WNT4: variants seen among roughly 807,000 people sequenced by gnomAD.
WNT4 encodes the protein protein Wnt-4.
In WNT4, 16 loss-of-function variants were observed where a neutral mutation model predicts 34.5. The ratio of observed to expected loss-of-function variants is 0.46; its 90% CI spans 0.31 to 0.70. WNT4 has a LOEUF of 0.70. Ranked by LOEUF, WNT4 falls within the 30% of genes least tolerant of loss-of-function variation. The pLI, the probability that WNT4 is intolerant of heterozygous loss-of-function variation, is 0.04. For synonymous variants in WNT4, 200 were observed against 211.9 expected, an observed-to-expected ratio of 0.94 and a Z score of 0.49; for missense variants, 379 against 495.9, an observed-to-expected ratio of 0.76 and a Z score of 2.24.
intron 2 of WNT4, among the ~76,000 whole-genome samples, chr1:22,125,487 AGC>A (rs758306631): frequency 2.6e-4 from 40 of 152,062 alleles, no homozygotes; most frequent in Non-Finnish European, 4.3e-4. Context: ...AAGACCACAG[AGC>A]ATTTGCTTCT....
rs992552305 is a variant in WNT4, at chr1:22,118,165, T to C, written c.*1885A>G. 6.6e-6 allele frequency: 1 copy of C among 152,194 alleles called. No homozygotes were observed. The highest frequency in any genetic ancestry group is 2.4e-5 in the African/African-American group (1 of 41,454). The allele number at this position is 152,194 out of a possible 1,614,324, so 9.4% of individuals were successfully genotyped here. On this transcript the variant is annotated 3_prime_UTR_variant, in exon 5 of 5. Transcript: ENST00000290167. Reference sequence around the variant, plus strand: ...CCTCTTTTCATGAGGGAGCCAACACTAGGAGGCACAAACCACAATGCCTGG... The same window carrying C: ...CCTCTTTTCATGAGGGAGCCAACACCAGGAGGCACAAACCACAATGCCTGG...
chr1:22,137,717 C>T lies in WNT4; in HGVS notation c.77+5129G>A, dbSNP rs1040730613. On this transcript the variant is annotated intron_variant, in intron 1 of 4. Coordinates refer to ENST00000290167, the MANE Select transcript of WNT4 (RefSeq NM_030761.5). The surrounding 1 kb of genome is among the most constrained non-coding windows in gnomAD (Gnocchi z 5.3). ...GTGACTGCTGCCTGAGCAACCCCCT[C>T]GGGCAGAGCCTGGTCCTGGGGTGCT... is the stretch of plus-strand genomic sequence containing the variant. Among the ~76,000 whole-genome samples, 2 of 152,204 alleles carry T rather than the reference C, an allele frequency of 1.3e-5. No individual in the cohort carries two copies. Among genetic ancestry groups the T allele is most frequent in the Admixed American group, 6.5e-5 (1 of 15,284 alleles).
At chr1:22,130,000 G>T in intron 1 of WNT4, 149 bp from the exon 2 acceptor site, 1 of 892,676 alleles carries the variant, frequency 1.1e-6, no homozygotes, top group South Asian at 1.4e-5. Context: ...CCAGTTACAG[G>T]CCCTCTTGCC....
intron 1 of WNT4, 57 bp from the exon 2 acceptor site, chr1:22,129,908 G>A (rs1420401588): frequency 1.9e-6 from 3 of 1,591,730 alleles, no homozygotes; most frequent in Non-Finnish European, 2.6e-6. Context: ...CCTGGCCCCG[G>A]ACCAGGCCTG....
chr1:22,136,651 G>A (rs1033397142), intron 1 of WNT4, among the ~76,000 whole-genome samples: 2 of 152,060 alleles, frequency 1.3e-5, no homozygotes, highest in African/African-American at 2.4e-5. Flanking sequence ...TGCTGTCAGC[G>A]GCTGCGGGAA....
At chr1:22,131,093 G>A (rs1645980261) in intron 1 of WNT4, among the ~76,000 whole-genome samples, 2 of 152,250 alleles carry the variant, frequency 1.3e-5, no homozygotes, top group Admixed American at 1.3e-4. Context: ...GCATTTGCCT[G>A]GCTTCACAGC....
At chr1:22,129,517 A>G in intron 2 of WNT4, 99 bp downstream of exon 2, 1 of 1,376,566 alleles carries the variant, frequency 7.3e-7, no homozygotes, top group Non-Finnish European at 1.0e-6. Flanking sequence ...TTCAGAAATG[A>G]CCTGCAATAG....
intron 2 of WNT4, among the ~76,000 whole-genome samples, chr1:22,121,841 G>A (rs78335492): frequency 2.0e-5 from 3 of 152,322 alleles, no homozygotes; most frequent in Non-Finnish European, 4.4e-5. Context: ...GGCAAGTACT[G>A]TTACCATCTC....
rs777777856 is a variant in WNT4, at chr1:22,120,072, A to T, written c.1034T>A (p.Val345Glu). 6.2e-7 allele frequency: 1 copy of T among 1,608,776 alleles called. No individual in the cohort carries two copies. Among genetic ancestry groups the T allele is most frequent in the Admixed American group, 1.7e-5 (1 of 59,968 alleles). ...FVKCRQCQRL[V>E]ELHTCR ...CGGTCATCGGCACGTGTGCAACTCC[A>T]CGAGCCGCTGGCACTGCCGGCACTT... is the stretch of plus-strand genomic sequence containing the variant. The change falls in exon 5 of 5, where the codon GTG becomes GAG. Residue 345 changes from valine (V) to glutamate (E), a missense_variant. Physicochemically the swap from Val to Glu is moderately radical, Grantham distance 121. Around this residue, in one of 2 missense-constraint regions of WNT4, gnomAD observed 313 missense variants for 445.8 expected, o/e 0.70. Coordinates refer to ENST00000290167, the MANE Select transcript of WNT4 (RefSeq NM_030761.5).
At chr1:22,124,298 C>T (rs576628008) in intron 2 of WNT4, among the ~76,000 whole-genome samples, 5 of 152,332 alleles carry the variant, frequency 3.3e-5, no homozygotes, top group Admixed American at 6.5e-5. Context: ...CAGAACTCTA[C>T]GGTGCCTTCT....
chr1:22,120,631 G>T (rs1243378612), intron 4 of WNT4, 114 bp from the exon 5 acceptor site: 10 of 1,104,948 alleles, frequency 9.1e-6, no homozygotes, highest in African/African-American at 1.6e-5. Context: ...GCTGCAGTCA[G>T]ATTTGCCGTT....
At chr1:22,121,597 G>A in intron 2 of WNT4, 21 bp from the exon 3 acceptor site, 1 of 1,610,430 alleles carries the variant, frequency 6.2e-7, no homozygotes, top group Non-Finnish European at 8.5e-7. Context: ...CAGAGGGAGG[G>A]CAGAGCTGGG....
chr1:22,142,577 G>C lies in WNT4; in HGVS notation c.77+269C>G, dbSNP rs906480911. Among the ~76,000 whole-genome samples the C allele has an allele frequency of 6.6e-6, 1 of 151,646 alleles. No homozygotes were observed. Among genetic ancestry groups the C allele is most frequent in the Non-Finnish European group, 1.5e-5 (1 of 67,818 alleles). On this transcript the variant is annotated intron_variant, in intron 1 of 4. Transcript: ENST00000290167. The surrounding 1 kb of genome is among the most constrained non-coding windows in gnomAD (Gnocchi z 6.0). ...GCTCGCACCCCTGGCGCCCTCGAGA[G>C]CCCCGAGCCGCCTACCGGTGCGGAC...
At position 22,126,987 on chromosome 1, in the gene WNT4, C is replaced by G. The variant is rs889446087; in HGVS notation, c.313+2629G>C. 1.2e-5 allele frequency: 4 copies of G among 331,690 alleles called. No individual in the cohort carries two copies. The Admixed American group carries it at 1.3e-4, about 11-fold the overall frequency. The allele number at this position is 331,690 out of a possible 1,614,324, so 20.5% of individuals were successfully genotyped here. On this transcript the variant is annotated intron_variant, in intron 2 of 4. Coordinates refer to ENST00000290167, the MANE Select transcript of WNT4 (RefSeq NM_030761.5). Reference sequence around the variant, plus strand: ...CTGAGAGCAGTGCTTCCCTCTCAGACCTCAGGAGGGACAATCCCCTTTTCC... The same window carrying G: ...CTGAGAGCAGTGCTTCCCTCTCAGAGCTCAGGAGGGACAATCCCCTTTTCC...
rs1240462771 is a variant in WNT4 at position 22,140,732 on chromosome 1, C to T, written c.77+2114G>A. 6.6e-6 allele frequency among the ~76,000 whole-genome samples: 1 copy of T among 152,208 alleles called. No individual in the cohort carries two copies. Among genetic ancestry groups the T allele is most frequent in the Non-Finnish European group, 1.5e-5 (1 of 68,036 alleles). ...GGGTCCTGGGAAGCCTCTTGTTCCT[C>T]TTGCCTTGGGTGGAGCAGAGAGACC... is the stretch of plus-strand genomic sequence containing the variant. On this transcript the variant is annotated intron_variant, in intron 1 of 4. Coordinates refer to ENST00000290167, the MANE Select transcript of WNT4 (RefSeq NM_030761.5). The surrounding 1 kb of genome is among the most constrained non-coding windows in gnomAD (Gnocchi z 5.9).
Position 22,129,641 on chromosome 1 carries a change from G to C in WNT4, c.288C>G (p.Pro96=). 1.2e-6 allele frequency: 2 copies of C among 1,613,588 alleles called. No individual in the cohort carries two copies. The highest frequency in any genetic ancestry group is 2.2e-5 in the East Asian group (1 of 44,864). The part of the protein sequence containing the change: ...RWNCSTLDSL[P]VFGKVVTQGT... ...CTTGCGTCACCACCTTGCCGAAGAC[G>C]GGCAAGGAGTCGAGTGTGGAGCAGT... Residue 96 remains proline (P), a synonymous_variant, in exon 2 of 5, where the codon CCC becomes CCG. Coordinates refer to ENST00000290167, the MANE Select transcript of WNT4 (RefSeq NM_030761.5).
rs577542801 is a variant in WNT4, at chr1:22,121,629, C to A, written c.314-53G>T. 9.6e-5 allele frequency: 153 copies of A among 1,596,478 alleles called. No homozygotes were observed. In the South Asian group the frequency reaches 1.7e-3, roughly 17 times the overall value. ...TGGGTCCCAGGGCTCCTCCCTGCAC[C>A]CTCCTTTGTAGAGGGGGAGGGGCAT... On this transcript the variant is annotated intron_variant, in intron 2 of 4. Transcript: ENST00000290167.
intron 1 of WNT4, among the ~76,000 whole-genome samples, chr1:22,141,972 G>C (rs1458653516): frequency 6.6e-6 from 1 of 152,234 alleles, no homozygotes; most frequent in African/African-American, 2.4e-5. Context: ...CCAGGGTTAA[G>C]CGCGGGGCAT....
rs1255801808 is a variant in WNT4, at chr1:22,134,957, G to A, written c.78-5106C>T. Among the ~76,000 whole-genome samples the A allele has an allele frequency of 4.6e-5, 7 of 152,206 alleles. No homozygotes were observed. Among genetic ancestry groups the A allele is most frequent in the African/African-American group, 1.7e-4 (7 of 41,452 alleles). On this transcript the variant is annotated intron_variant, in intron 1 of 4. Transcript: ENST00000290167. The surrounding 1 kb of genome is among the most constrained non-coding windows in gnomAD (Gnocchi z 4.1). ...CACGCTCCCCCGGGGTACAGTGGATGACCTCAGCAGCCATCCCAATGGCAG... is the reference window on the plus strand; with the variant it reads ...CACGCTCCCCCGGGGTACAGTGGATAACCTCAGCAGCCATCCCAATGGCAG...
Sources: gnomAD v4.1 joint callset for allele counts (sites outside exome capture counted in the v4.1 genomes callset) on GRCh38, gnomAD v4.1.1 for gene constraint, gnomAD v4.1.1 regional missense constraint, Gnocchi (gnomAD v3.1) non-coding constraint, MANE v1.5 for transcripts, NCBI Gene and HGNC (gene_info 2026-07-23, HGNC 2026-07-21) for gene names.